Variants in PGAP1 observed in about 807,000 individuals in gnomAD.
The protein encoded by PGAP1 is GPI inositol-deacylase.
Under a neutral mutation model 127.0 loss-of-function variants are expected in PGAP1, and 76 were observed. That is an observed-to-expected ratio of 0.60 (90% CI 0.50 to 0.72). PGAP1 has a LOEUF of 0.72. Ranked by LOEUF, PGAP1 falls within the 30% of genes least tolerant of loss-of-function variation. The pLI, the probability that PGAP1 is intolerant of heterozygous loss-of-function variation, is 0.00. For missense variants in PGAP1, 982 were observed against 1,071.3 expected, an observed-to-expected ratio of 0.92 and a Z score of 1.16; for synonymous variants, 362 against 366.5, an observed-to-expected ratio of 0.99 and a Z score of 0.14.
chr2:196,863,071 G>A lies in PGAP1; in HGVS notation c.1861+1916C>T, dbSNP rs191201282. Among the ~76,000 whole-genome samples, 736 of 152,264 alleles carry A rather than the reference G, an allele frequency of 4.8e-3. 24 individuals carry two copies. Among genetic ancestry groups the A allele is most frequent in the Admixed American group, 0.045 (691 of 15,296 alleles). On this transcript the variant is annotated intron_variant, in intron 20 of 26. Transcript: ENST00000354764. ...TTAACAAAAAGACAAAAAATAACAA[G>A]TGATAATGAGGATACGGAAAAAGGG...
At chr2:196,900,339 T>C (rs1308284327) in intron 5 of PGAP1, among the ~76,000 whole-genome samples, 2 of 152,224 alleles carry the variant, frequency 1.3e-5, no homozygotes, top group Admixed American at 1.3e-4. Flanking sequence ...TGTGGGACTA[T>C]ATTACAGCAG....
chr2:196,879,354 A>T (rs1701658463), intron 13 of PGAP1, among the ~76,000 whole-genome samples: 1 of 152,122 alleles, frequency 6.6e-6, no homozygotes. Context: ...CCTCTGCTCC[A>T]GTTACATTTC....
At position 196,916,429 on chromosome 2, in the gene PGAP1, T is replaced by G; in HGVS notation, c.466A>C (p.Lys156Gln). The G allele has an allele frequency of 6.2e-7, 1 of 1,608,540 alleles. No homozygotes were observed. The highest frequency in any genetic ancestry group is 8.5e-7 in the Non-Finnish European group (1 of 1,177,974). ...FVHECIKTILKLYKGQEFAPK... is the reference protein window; with the variant it reads ...FVHECIKTILQLYKGQEFAPK... ...TACTTATCTCTCACCTTATAGAGTT[T>G]GAGAATTGTTTTAATACATTCATGT... The change falls in exon 3 of 27, where the codon AAA becomes CAA. Residue 156 changes from lysine to glutamine, a missense_variant. Lys to Gln is a moderately conservative substitution (Grantham distance 53). Transcript: ENST00000354764.
intron 20 of PGAP1, among the ~76,000 whole-genome samples, chr2:196,851,452 T>G (rs756640018): frequency 7.9e-5 from 12 of 152,188 alleles, no homozygotes; most frequent in Non-Finnish European, 1.8e-4. Flanking sequence ...TCATTTTTTC[T>G]TTAACACCCA....
chr2:196,903,062 A>C (rs1184913685), intron 4 of PGAP1, among the ~76,000 whole-genome samples: 2 of 152,216 alleles, frequency 1.3e-5, no homozygotes, highest in Non-Finnish European at 2.9e-5. Flanking sequence ...TGAGTCACAC[A>C]GTATAGCTAA....
chr2:196,897,791 G>C (rs1702336558), intron 6 of PGAP1, among the ~76,000 whole-genome samples: 2 of 152,130 alleles, frequency 1.3e-5, no homozygotes, highest in South Asian at 4.2e-4. Context: ...GATGCTATTG[G>C]GTTTTTGGGA....
intron 4 of PGAP1, among the ~76,000 whole-genome samples, chr2:196,903,071 A>C (rs1424185342): frequency 1.3e-5 from 2 of 152,212 alleles, no homozygotes; most frequent in Non-Finnish European, 2.9e-5. Context: ...CAGTATAGCT[A>C]AAAGAGAAAA....
chr2:196,914,340 G>T (rs1702930911), intron 3 of PGAP1, among the ~76,000 whole-genome samples: 1 of 152,106 alleles, frequency 6.6e-6, no homozygotes, highest in Non-Finnish European at 1.5e-5. Flanking sequence ...CAAGTTGCAG[G>T]CCAGGTCCGG....
intron 10 of PGAP1, among the ~76,000 whole-genome samples, chr2:196,889,493 T>C (rs542659586): frequency 6.1e-5 from 9 of 148,292 alleles, no homozygotes; most frequent in Non-Finnish European, 1.0e-4. Context: ...GATACAAATA[T>C]AGAGTGAAGA....
intron 10 of PGAP1, among the ~76,000 whole-genome samples, chr2:196,889,446 A>C (rs1483757203): frequency 1.3e-5 from 2 of 152,112 alleles, no homozygotes; most frequent in Non-Finnish European, 2.9e-5. Context: ...GTTCTAAATA[A>C]ATACAAATAA....
At chr2:196,899,921 C>A (rs547439288) in intron 5 of PGAP1, among the ~76,000 whole-genome samples, 1 of 152,314 alleles carries the variant, frequency 6.6e-6, no homozygotes, top group African/African-American at 2.4e-5. Flanking sequence ...GCCTCTAATC[C>A]CAGCTACTCA....
chr2:196,845,005 AC>A (rs1469305622), intron 23 of PGAP1, among the ~76,000 whole-genome samples: 1 of 152,058 alleles, frequency 6.6e-6, no homozygotes, highest in Non-Finnish European at 1.5e-5. Context: ...GAAAACCAGA[AC>A]CCAATTATAT....
chr2:196,887,474 A>C (rs1257762279), intron 10 of PGAP1, among the ~76,000 whole-genome samples: 1 of 152,252 alleles, frequency 6.6e-6, no homozygotes, highest in East Asian at 1.9e-4. Context: ...AAGTAAGAGC[A>C]ATGTTCTGAG....
intron 20 of PGAP1, among the ~76,000 whole-genome samples, chr2:196,856,106 T>G (rs1307349271): frequency 2.0e-5 from 3 of 152,134 alleles, no homozygotes; most frequent in Non-Finnish European, 1.5e-5. Context: ...TTCTGCCTCC[T>G]GGGGTCAAGT....
rs1702355270 is a variant in PGAP1, at chr2:196,898,357, G to A, written c.820C>T (p.Pro274Ser). The A allele has an allele frequency of 2.5e-6, 4 of 1,609,182 alleles. No homozygotes were observed. The highest frequency in any genetic ancestry group is 1.3e-5 in the African/African-American group (1 of 74,656). ...SALSVVSSAV[P>S]KTWVSTDHLS... ...TGGTCTGTTGAGACCCAGGTCTTAG[G>A]CACTGCTGAACTCTAAAAGAAAAGA... Residue 274 changes from proline (P) to serine (S), a missense_variant, in exon 6 of 27, where the codon CCT becomes TCT. Transcript: ENST00000354764.
chr2:196,922,306 T>C, intron 1 of PGAP1: 1 of 1,162,868 alleles, frequency 8.6e-7, no homozygotes, highest in Non-Finnish European at 1.1e-6. Flanking sequence ...AACTGAAAAA[T>C]AAAGTTTTAT....
rs776253084 is a variant in PGAP1, at chr2:196,873,698, A to G, written c.1487T>C (p.Leu496Pro). ...AGGATTAATTACCTGTCCAAAGTTC[A>G]GAAGCTCTAGATTGTAGTATAGGCC... Reference protein sequence around the residue: ...TNGLYYNLELLNFGQIYQAFK... With the variant: ...TNGLYYNLELPNFGQIYQAFK... Residue 496 changes from leucine (L) to proline (P), a missense_variant, in exon 15 of 27, where the codon CTG becomes CCG. Transcript: ENST00000354764. The G allele has an allele frequency of 1.6e-5, 25 of 1,611,456 alleles. No homozygotes were observed. The highest frequency in any genetic ancestry group is 2.1e-5 in the Non-Finnish European group (25 of 1,177,938).
At chr2:196,922,022 A>G in intron 1 of PGAP1, 1 of 498,746 alleles carries the variant, frequency 2.0e-6, no homozygotes. Flanking sequence ...TACTTACAGG[A>G]GCAGGACTCC....
At chr2:196,889,352 CA>C (rs1206177358) in intron 10 of PGAP1, among the ~76,000 whole-genome samples, 1 of 152,058 alleles carries the variant, frequency 6.6e-6, no homozygotes, top group Non-Finnish European at 1.5e-5. Context: ...CATTAGCATC[CA>C]GCCCACAATG....
Sources: gnomAD v4.1 joint callset for allele counts (sites outside exome capture counted in the v4.1 genomes callset) on GRCh38, gnomAD v4.1.1 for gene constraint, MANE v1.5 for transcripts, NCBI Gene and HGNC (gene_info 2026-07-23, HGNC 2026-07-21) for gene names.